Variants in CARM1 observed in about 807,000 individuals in gnomAD.
CARM1 encodes the protein coactivator associated arginine methyltransferase 1, also known as histone-arginine methyltransferase CARM1.
Under a neutral mutation model 72.7 loss-of-function variants are expected in CARM1, and 14 were observed. The ratio of observed to expected loss-of-function variants is 0.19; its 90% CI spans 0.13 to 0.30. CARM1 has a LOEUF of 0.30. CARM1 is among the 10% of genes least tolerant of loss of function. CARM1 has a pLI of 1.00. For synonymous variants in CARM1, 333 were observed against 345.5 expected (o/e 0.96, Z 0.40); for missense variants, 432 against 833.7 (o/e 0.52, Z 5.93).
At chr19:10,898,661 G>GTA (rs1274570363) in intron 1 of CARM1, among the ~76,000 whole-genome samples, 1 of 152,252 alleles carries the variant, frequency 6.6e-6, no homozygotes, top group African/African-American at 2.4e-5. Context: ...GGCTGCATCT[G>GTA]TGGCGAGCAC....
In CARM1 at chr19:10,871,954, C is replaced by T. The variant is rs1399683840; in HGVS notation, c.220+32C>T. 4.3e-6 allele frequency: 5 copies of T among 1,172,990 alleles called. No homozygotes were observed. Among genetic ancestry groups the T allele is most frequent in the Non-Finnish European group, 5.3e-6 (5 of 950,042 alleles). The allele number at this position is 1,172,990 out of a possible 1,614,324, so 72.7% of individuals were successfully genotyped here. The stretch of plus-strand genomic sequence containing the variant: ...ACGGGGCCCCGGGGCAGGCGCAGGG[C>T]CGGGGCTGCTCACGAGGCCGGCCCG... On this transcript the variant is annotated intron_variant, in intron 1 of 15. Transcript: ENST00000327064. This position sits in a 1 kb window ranked among gnomAD's most constrained non-coding sequence, Gnocchi z 5.6.
At chr19:10,885,258 GC>G (rs546784726) in intron 1 of CARM1, among the ~76,000 whole-genome samples, 2 of 151,988 alleles carry the variant, frequency 1.3e-5, no homozygotes, top group Non-Finnish European at 2.9e-5. Context: ...GGGGCTCTGT[GC>G]CCCCCCACCC....
rs1047511473 is a variant in CARM1 at position 10,910,610 on chromosome 19, G to A, written c.558+1403G>A. Among the ~76,000 whole-genome samples, 6 of 149,150 alleles carry A rather than the reference G, an allele frequency of 4.0e-5. No individual in the cohort carries two copies. In the East Asian group the frequency reaches 1.2e-3, roughly 29 times the overall value. ...GAGATGGAGTCTTGCTTTGTTACCA[G>A]GCTGGAGTGCAGTGACACAATCTCG... is the stretch of plus-strand genomic sequence containing the variant. On this transcript the variant is annotated intron_variant, in intron 4 of 15. Coordinates refer to ENST00000327064, the MANE Select transcript of CARM1 (RefSeq NM_199141.2).
Position 10,921,608 on chromosome 19 carries a change from T to C in CARM1, c.1685-7T>C. 1 of 1,606,738 alleles carries C rather than the reference T, an allele frequency of 6.2e-7. No individual in the cohort carries two copies. Among genetic ancestry groups the C allele is most frequent in the Non-Finnish European group, 8.5e-7 (1 of 1,175,404 alleles). On this transcript the variant is annotated splice_region_variant and splice_polypyrimidine_tract_variant and intron_variant, in intron 15 of 15. Transcript: ENST00000327064. ...GCAGCCCCTCACTGCCATTGCCTGC[T>C]CCACAGGGTCCTCCGGCGCCCAGGG...
At chr19:10,904,280 T>G (rs368200298) in intron 1 of CARM1, among the ~76,000 whole-genome samples, 1 of 152,252 alleles carries the variant, frequency 6.6e-6, no homozygotes, top group African/African-American at 2.4e-5. Context: ...CACTGCAGTA[T>G]GGCAGGCAGG....
chr19:10,913,107 G>C (rs1371070975), intron 5 of CARM1, among the ~76,000 whole-genome samples: 1 of 151,780 alleles, frequency 6.6e-6, no homozygotes, highest in Non-Finnish European at 1.5e-5. Flanking sequence ...GGGTCACAGT[G>C]AACTCTCTTT....
chr19:10,901,462 A>G (rs1178906629), intron 1 of CARM1, among the ~76,000 whole-genome samples: 1 of 152,018 alleles, frequency 6.6e-6, no homozygotes, highest in African/African-American at 2.4e-5. Context: ...GATCTCAGGC[A>G]TGCACCACCA....
Position 10,912,330 on chromosome 19 carries a change from T to A in CARM1, c.669+36T>A. On this transcript the variant is annotated intron_variant, in intron 5 of 15. Transcript: ENST00000327064. This position sits in a 1 kb window ranked among gnomAD's most constrained non-coding sequence, Gnocchi z 4.5. ...CGCTGGTGCCCACCCAGCCTCGTCC[T>A]CGCCCATGAGTGCCATGCCGGCCCC... 6.6e-7 allele frequency: 1 copy of A among 1,503,784 alleles called. No homozygotes were observed. Among genetic ancestry groups the A allele is most frequent in the East Asian group, 2.3e-5 (1 of 43,910 alleles). 93.2% of individuals were successfully genotyped at this position (1,503,784 alleles called of 1,614,324 possible).
chr19:10,893,226 G>A (rs541830790), intron 1 of CARM1, among the ~76,000 whole-genome samples: 1 of 151,028 alleles, frequency 6.6e-6, no homozygotes. Context: ...GAGTAGAGAC[G>A]GGGTTTCACC....
chr19:10,914,803 G>T (rs139987429), intron 6 of CARM1, among the ~76,000 whole-genome samples: 1 of 152,182 alleles, frequency 6.6e-6, no homozygotes, highest in Non-Finnish European at 1.5e-5. Context: ...TGATCTACCC[G>T]CCTCAGCCTC....
intron 3 of CARM1, 64 bp downstream of exon 3, chr19:10,908,209 A>T (rs1413230124): frequency 9.4e-7 from 1 of 1,060,888 alleles, no homozygotes; most frequent in African/African-American, 1.6e-5. Flanking sequence ...ACTCACCCGC[A>T]GGAGGCCACA....
chr19:10,921,844 G>A lies in CARM1; in HGVS notation c.*87G>A. On this transcript the variant is annotated 3_prime_UTR_variant, in exon 16 of 16. Coordinates refer to ENST00000327064, the MANE Select transcript of CARM1 (RefSeq NM_199141.2). ...GCCGGGCGGCTTTCCCCCTTGTACT[G>A]GAGAAGCTCGAACACCCGGTCACAG... The A allele has an allele frequency of 7.6e-7, 1 of 1,323,396 alleles. No homozygotes were observed. The highest frequency in any genetic ancestry group is 1.0e-6 in the Non-Finnish European group (1 of 966,098). The allele number at this position is 1,323,396 out of a possible 1,614,324, so 82.0% of individuals were successfully genotyped here. A position where few individuals can be genotyped will look rare whatever the true frequency, so the allele number is the denominator to read the frequency against.
At chr19:10,879,392 G>A (rs1478096527) in intron 1 of CARM1, among the ~76,000 whole-genome samples, 1 of 152,182 alleles carries the variant, frequency 6.6e-6, no homozygotes, top group Non-Finnish European at 1.5e-5. Context: ...CTGAATTTAG[G>A]GTTCCAGTTT....
chr19:10,892,005 C>G (rs77653525), intron 1 of CARM1, among the ~76,000 whole-genome samples: 1 of 152,114 alleles, frequency 6.6e-6, no homozygotes, highest in Non-Finnish European at 1.5e-5. Flanking sequence ...TGTGCACTGC[C>G]CCTCCTCCCT....
chr19:10,884,018 T>G (rs1316326732), intron 1 of CARM1, among the ~76,000 whole-genome samples: 2 of 145,818 alleles, frequency 1.4e-5, no homozygotes, highest in African/African-American at 2.5e-5. Context: ...ACTCTGTTTT[T>G]TTTTTTTTTT....
intron 1 of CARM1, among the ~76,000 whole-genome samples, chr19:10,879,032 C>G (rs1296618542): frequency 6.6e-6 from 1 of 152,126 alleles, no homozygotes; most frequent in Non-Finnish European, 1.5e-5. Flanking sequence ...TTCTCAAACT[C>G]CTGACCTCAG....
chr19:10,893,371 C>T (rs1451994447), intron 1 of CARM1, among the ~76,000 whole-genome samples: 4 of 151,526 alleles, frequency 2.6e-5, no homozygotes, highest in Admixed American at 2.6e-4. Flanking sequence ...CAGAGTCTTA[C>T]TCTCTCCCCC....
intron 1 of CARM1, among the ~76,000 whole-genome samples, chr19:10,889,644 C>A (rs114113639): frequency 0.018 from 2,693 of 152,068 alleles, 92 homozygotes; most frequent in African/African-American, 0.062. Context: ...TTGTTTATTA[C>A]CTTCTGTAAT....
At position 10,921,719 on chromosome 19, in the gene CARM1, A is replaced by G. The variant is rs777245781; in HGVS notation, c.1789A>G (p.Met597Val). 1.2e-6 allele frequency: 2 copies of G among 1,613,140 alleles called. No individual in the cohort carries two copies. Among genetic ancestry groups the G allele is most frequent in the Non-Finnish European group, 1.7e-6 (2 of 1,179,580 alleles). ...CCCCGCCATCTCCATGGCGTCGCCC[A>G]TGTCCATCCCGACCAACACCATGCA... Reference protein sequence around the residue: ...GGPAISMASPMSIPTNTMHYG... With the variant: ...GGPAISMASPVSIPTNTMHYG... Residue 597 changes from methionine (M) to valine (V), a missense_variant, in exon 16 of 16, where the codon ATG becomes GTG. Around this residue, in one of 3 missense-constraint regions of CARM1, gnomAD observed 142 missense variants for 188.7 expected, o/e 0.75. Transcript: ENST00000327064.
Sources: gnomAD v4.1 joint callset for allele counts (sites outside exome capture counted in the v4.1 genomes callset) on GRCh38, gnomAD v4.1.1 for gene constraint, gnomAD v4.1.1 regional missense constraint, Gnocchi (gnomAD v3.1) non-coding constraint, MANE v1.5 for transcripts, NCBI Gene and HGNC (gene_info 2026-07-23, HGNC 2026-07-21) for gene names.